LUZP1: variants seen among roughly 807,000 people sequenced by gnomAD.
The protein encoded by LUZP1 is filamin mechanobinding actin cross-linking protein.
LUZP1 carries 25 observed loss-of-function variants against 71.3 expected under a neutral mutation model. The ratio of observed to expected loss-of-function variants is 0.35; its 90% CI spans 0.26 to 0.49. The LOEUF (loss-of-function observed/expected upper bound fraction) is 0.49. Ranked by LOEUF, LUZP1 falls within the 20% of genes least tolerant of loss-of-function variation. The pLI is 0.99. For synonymous variants in LUZP1, 481 were observed against 506.4 expected (o/e 0.95, Z 0.67); for missense variants, 1,142 against 1,300.8 (o/e 0.88, Z 1.88).
At chr1:23,157,514 G>T (rs1392530929) in intron 2 of LUZP1, among the ~76,000 whole-genome samples, 1 of 152,012 alleles carries the variant, frequency 6.6e-6, no homozygotes, top group African/African-American at 2.4e-5. Context: ...TGTCTCGCCA[G>T]GCACGGTGGC....
At chr1:23,088,786 C>A (rs946732613) in exon 5 of LUZP1, 3 of 1,452,280 alleles carry the variant, frequency 2.1e-6, no homozygotes, top group Non-Finnish European at 2.8e-6. Flanking sequence ...AGTTTTCCAG[C>A]CAAGGCTTGT....
At chr1:23,099,225 T>G (rs572519631) in intron 3 of LUZP1, among the ~76,000 whole-genome samples, 2 of 152,368 alleles carry the variant, frequency 1.3e-5, no homozygotes, top group Admixed American at 6.5e-5. Context: ...AATTAAAATC[T>G]TGTCAATGTA....
chr1:23,170,462 C>CTTTTTTTTTTTTTTTTTTTTTT (rs200073505), intron 1 of LUZP1, among the ~76,000 whole-genome samples: 21 of 127,410 alleles, frequency 1.6e-4, no homozygotes, highest in Non-Finnish European at 2.8e-4. Flanking sequence ...CTTTTTCTTT[C>CTTTTTTTTTTTTTTTTTTTTTT]TTTTTTTTTT....
At chr1:23,153,422 A>G (rs1227663793) in intron 2 of LUZP1, among the ~76,000 whole-genome samples, 1 of 152,118 alleles carries the variant, frequency 6.6e-6, no homozygotes, top group African/African-American at 2.4e-5. Flanking sequence ...TCCATCCACC[A>G]CTGAAAAACT....
chr1:23,104,258 C>T (rs1182438402), intron 3 of LUZP1, among the ~76,000 whole-genome samples: 3 of 151,824 alleles, frequency 2.0e-5, no homozygotes, highest in Non-Finnish European at 4.4e-5. Flanking sequence ...CAGCTCACTG[C>T]AACCTTCGTT....
chr1:23,113,827 C>T (rs908941106), intron 2 of LUZP1, among the ~76,000 whole-genome samples: 5 of 151,628 alleles, frequency 3.3e-5, no homozygotes, highest in African/African-American at 1.2e-4. Flanking sequence ...TTGCAGTGAG[C>T]CGAGATTCAG....
intron 2 of LUZP1, among the ~76,000 whole-genome samples, chr1:23,168,386 GA>G (rs1644528138): frequency 2.4e-5 from 1 of 41,094 alleles, no homozygotes; most frequent in East Asian, 1.1e-3. Context: ...CTCTACCCCC[GA>G]AACTCTTCGC....
Position 23,093,056 on chromosome 1 carries a change from G to A in LUZP1, c.1206C>T (p.Leu402=), listed in dbSNP as rs1338815015. 5 of 1,614,166 alleles carry A rather than the reference G, an allele frequency of 3.1e-6. No individual in the cohort carries two copies. In the African/African-American group the frequency reaches 4.0e-5, roughly 13 times the overall value. ...TGTTGAGAGCAAACTCCCTGTTCCGGAGTCGTTCCCGCTTATGCTGAGGAG... is the reference window on the plus strand; with the variant it reads ...TGTTGAGAGCAAACTCCCTGTTCCGAAGTCGTTCCCGCTTATGCTGAGGAG... Residue 402 remains leucine (L), a synonymous_variant, in exon 4 of 5, where the codon CTC becomes CTT. Transcript: ENST00000302291. The surrounding 1 kb of genome is among the most constrained non-coding windows in gnomAD (Gnocchi z 4.2).
exon 5 of LUZP1, chr1:23,087,868 C>CAG (rs1643790385): frequency 6.6e-6 from 1 of 152,648 alleles, no homozygotes; most frequent in Non-Finnish European, 1.5e-5. Context: ...AGGAATGCAT[C>CAG]AGCTTGGTAA....
chr1:23,134,864 A>C (rs1644241874), intron 2 of LUZP1, among the ~76,000 whole-genome samples: 1 of 152,116 alleles, frequency 6.6e-6, no homozygotes. Flanking sequence ...CATATGCAGA[A>C]TGCGCAGGTT....
At chr1:23,118,610 T>C (rs1458060096) in intron 2 of LUZP1, among the ~76,000 whole-genome samples, 2 of 152,170 alleles carry the variant, frequency 1.3e-5, no homozygotes, top group Admixed American at 1.3e-4. Context: ...CAATAAAACA[T>C]GGTTATTGTC....
chr1:23,163,463 G>A (rs76531202), intron 2 of LUZP1, among the ~76,000 whole-genome samples: 4,198 of 151,032 alleles, frequency 0.028, 211 homozygotes, highest in African/African-American at 0.097. Flanking sequence ...GGCTGAGGAA[G>A]GAGAACTGCC....
intron 2 of LUZP1, among the ~76,000 whole-genome samples, chr1:23,123,483 CTT>C (rs1644146524): frequency 8.8e-6 from 1 of 113,216 alleles, no homozygotes; most frequent in African/African-American, 3.7e-5. Flanking sequence ...CAGAGTGAGA[CTT>C]TGTCTCCAAA....
chr1:23,093,718 C>T lies in LUZP1; in HGVS notation c.544G>A (p.Glu182Lys), dbSNP rs758551781. The T allele has an allele frequency of 1.9e-6, 3 of 1,613,756 alleles. No individual in the cohort carries two copies. The highest frequency in any genetic ancestry group is 2.5e-6 in the Non-Finnish European group (3 of 1,180,034). Residue 182 changes from glutamate (E) to lysine (K), a missense_variant, in exon 4 of 5, where the codon GAG (glutamate) becomes AAG (lysine). Coordinates refer to ENST00000302291, the Ensembl canonical transcript of LUZP1. This position sits in a 1 kb window ranked among gnomAD's most constrained non-coding sequence, Gnocchi z 4.2. ...GTTAATGATTTCAGCTTTTCTAACT[C>T]TGACGCTAAACTCTGCTCAGTTTTA...
At chr1:23,142,749 A>ACACG (rs1393016849) in intron 2 of LUZP1, among the ~76,000 whole-genome samples, 1 of 145,978 alleles carries the variant, frequency 6.9e-6, no homozygotes, top group Non-Finnish European at 1.5e-5. Flanking sequence ...ACACACACAC[A>ACACG]CAGATTTTTG....
At chr1:23,121,821 G>C (rs1440124035) in intron 2 of LUZP1, among the ~76,000 whole-genome samples, 1 of 152,106 alleles carries the variant, frequency 6.6e-6, no homozygotes. Context: ...AGACCAGCCT[G>C]GCCAACATGG....
intron 2 of LUZP1, among the ~76,000 whole-genome samples, chr1:23,112,927 A>G (rs1193541295): frequency 1.3e-5 from 2 of 152,236 alleles, no homozygotes; most frequent in Non-Finnish European, 2.9e-5. Context: ...GACCTCAGTT[A>G]AAGAGAAAAG....
chr1:23,133,764 AAAATAAATAAAT>A (rs61270548), intron 2 of LUZP1: 22,922 of 148,322 alleles, frequency 0.15, 2,102 homozygotes, highest in South Asian at 0.33. Flanking sequence ...CTCCATCTCA[AAAATAAATAAAT>A]AAATAAATAA....
chr1:23,127,335 T>G (rs889559807), intron 2 of LUZP1, among the ~76,000 whole-genome samples: 8 of 152,200 alleles, frequency 5.3e-5, no homozygotes, highest in African/African-American at 1.7e-4. Context: ...AATTCTTGGT[T>G]TTTTTCACTG....
Sources: gnomAD v4.1 joint callset for allele counts (sites outside exome capture counted in the v4.1 genomes callset) on GRCh38, gnomAD v4.1.1 for gene constraint, Gnocchi (gnomAD v3.1) non-coding constraint, MANE v1.5 for transcripts, NCBI Gene and HGNC (gene_info 2026-07-23, HGNC 2026-07-21) for gene names.